Variants in LIPA observed in about 807,000 individuals in gnomAD.
LIPA encodes lysosomal acid lipase/cholesteryl ester hydrolase.
A neutral mutation model predicts 40.6 loss-of-function variants in LIPA; 26 were observed. That is an observed-to-expected ratio of 0.64 (90% CI 0.47 to 0.89). The LOEUF (loss-of-function observed/expected upper bound fraction) is 0.89. Among genes scored for constraint, LIPA ranks in the 40% least tolerant of loss-of-function variants. The pLI, the probability that LIPA is intolerant of heterozygous loss-of-function variation, is 0.00. For synonymous variants in LIPA, 188 were observed against 168.4 expected, an observed-to-expected ratio of 1.12 and a Z score of -0.90; for missense variants, 455 against 479.6, an observed-to-expected ratio of 0.95 and a Z score of 0.48.
At chr10:89,237,709 G>A (rs1842922425) in intron 3 of LIPA, among the ~76,000 whole-genome samples, 1 of 152,172 alleles carries the variant, frequency 6.6e-6, no homozygotes, top group Non-Finnish European at 1.5e-5. Context: ...TTTCCAGATT[G>A]GTTCCATTGA....
intron 8 of LIPA, among the ~76,000 whole-genome samples, chr10:89,220,920 G>C (rs1842689985): frequency 6.6e-6 from 1 of 152,108 alleles, no homozygotes; most frequent in Non-Finnish European, 1.5e-5. Flanking sequence ...ACACAACATA[G>C]GAAAATTTCA....
chr10:89,392,853 G>A, intron 2 of LIPA: 1 of 877,782 alleles, frequency 1.1e-6, no homozygotes. Context: ...CTTATGGACT[G>A]AATGTGTGCA....
chr10:89,370,172 G>C (rs1201474909), intron 2 of LIPA, among the ~76,000 whole-genome samples: 1 of 151,918 alleles, frequency 6.6e-6, no homozygotes, highest in Non-Finnish European at 1.5e-5. Context: ...GTGCTCAATA[G>C]TAATATATAG....
intron 3 of LIPA, among the ~76,000 whole-genome samples, chr10:89,241,981 A>C (rs1842970180): frequency 6.6e-6 from 1 of 152,146 alleles, no homozygotes; most frequent in South Asian, 2.1e-4. Flanking sequence ...TGTCTTATCC[A>C]ACAAAATGAG....
intron 1 of LIPA, among the ~76,000 whole-genome samples, chr10:89,273,217 T>C (rs1338977803): frequency 2.6e-5 from 4 of 152,088 alleles, no homozygotes; most frequent in East Asian, 1.9e-4. Context: ...AGAAATTAAC[T>C]TGATACATTT....
intron 1 of LIPA, among the ~76,000 whole-genome samples, chr10:89,315,929 T>A (rs1013499556): frequency 2.6e-5 from 4 of 152,308 alleles, no homozygotes; most frequent in Non-Finnish European, 5.9e-5. Flanking sequence ...TTTTTTTTTA[T>A]TATACTTTAA....
In LIPA at chr10:89,383,936, G is replaced by A. The variant is rs780418889; in HGVS notation, c.61+28855C>T. On this transcript the variant is annotated intron_variant, in intron 2 of 8. Coordinates refer to the LIPA transcript ENST00000371837. ...GCATTTTCTCTGCACGTCCTAAAAC[G>A]AGCTGTCAGGCTAAATCCAGATGAT... 17 of 1,614,122 alleles carry A rather than the reference G, an allele frequency of 1.1e-5. No homozygotes were observed. The East Asian group carries it at 2.7e-4, about 25-fold the overall frequency.
At chr10:89,293,432 G>C (rs977202328) in intron 1 of LIPA, 1 of 152,076 alleles carries the variant, frequency 6.6e-6, no homozygotes, top group Middle Eastern at 3.4e-3. Context: ...TTCCTCTTAC[G>C]GTCTCCACTT....
intron 2 of LIPA, among the ~76,000 whole-genome samples, chr10:89,397,001 T>C (rs2133620153): frequency 6.6e-6 from 1 of 152,348 alleles, no homozygotes; most frequent in South Asian, 2.1e-4. Context: ...TACATACAAA[T>C]ATATAAGGAT....
At position 89,306,157 on chromosome 10, in the gene LIPA, C is replaced by T. The variant is rs376157774; in HGVS notation, c.-2+36454G>A. ...ATCTAAAGCACCTCAAAGGGCAAAACGAGGCAGCCCTGGAATGCTTACGTA... is the reference window on the plus strand; with the variant it reads ...ATCTAAAGCACCTCAAAGGGCAAAATGAGGCAGCCCTGGAATGCTTACGTA... On this transcript the variant is annotated intron_variant, in intron 1 of 5. Coordinates refer to the LIPA transcript ENST00000282673. The T allele has an allele frequency of 6.3e-5, 101 of 1,614,082 alleles. No homozygotes were observed. The Middle Eastern group carries it at 6.6e-4, about 11-fold the overall frequency.
rs1300082765 is a variant in LIPA at position 89,383,898 on chromosome 10, A to T, written c.61+28893T>A. On this transcript the variant is annotated intron_variant, in intron 2 of 8. Transcript: ENST00000371837. ...GCCTGGATAAATTTAACACAGCATC[A>T]GGGAGGAATAAGGCATTTTCTCTGC... The T allele has an allele frequency of 1.9e-6, 3 of 1,614,200 alleles. 1 individual carries two copies. The highest frequency in any genetic ancestry group is 3.3e-5 in the Admixed American group (2 of 60,014).
At chr10:89,312,923 CAAG>C (rs888785252) in intron 1 of LIPA, among the ~76,000 whole-genome samples, 1 of 151,902 alleles carries the variant, frequency 6.6e-6, no homozygotes, top group Non-Finnish European at 1.5e-5. Flanking sequence ...GCAAATTATC[CAAG>C]AAGGAGACAT....
At chr10:89,216,142 G>A (rs1234408417) in intron 8 of LIPA, 133 bp from the exon 9 acceptor site, 2 of 705,012 alleles carry the variant, frequency 2.8e-6, no homozygotes, top group South Asian at 1.5e-5. Flanking sequence ...CATTTCCAAG[G>A]CATTATTTTA....
chr10:89,236,888 TAAAG>T lies in LIPA; in HGVS notation c.230-8494_230-8491del, dbSNP rs961587072. ...AAAGCAAAGTCATTATATGACAACT[TAAAG>T]AAAAAAGAAGGTGAAGAATCTAAAG... On this transcript the variant is annotated intron_variant, in intron 3 of 9. Coordinates refer to ENST00000336233, the MANE Select transcript of LIPA (RefSeq NM_000235.4). Among the ~76,000 whole-genome samples, 82 of 152,128 alleles carry T rather than the reference TAAAG, an allele frequency of 5.4e-4. 1 individual carries two copies. Among genetic ancestry groups the T allele is most frequent in the African/African-American group, 2.0e-3 (81 of 41,410 alleles).
At position 89,384,470 on chromosome 10, in the gene LIPA, G is replaced by A. The variant is rs769045253; in HGVS notation, c.61+28321C>T. On this transcript the variant is annotated intron_variant, in intron 2 of 8. Coordinates refer to the LIPA transcript ENST00000371837. ...CAAGAGATTCATTACCACTACGGCC[G>A]TTTCCAAGAACATCATGGGAAATCT... is the stretch of plus-strand genomic sequence containing the variant. 22 of 1,614,146 alleles carry A rather than the reference G, an allele frequency of 1.4e-5. No individual in the cohort carries two copies. Among genetic ancestry groups the A allele is most frequent in the Middle Eastern group, 1.6e-4 (1 of 6,062 alleles).
intron 1 of LIPA, among the ~76,000 whole-genome samples, chr10:89,323,346 C>T (rs186729356): frequency 2.3e-4 from 35 of 152,064 alleles, no homozygotes; most frequent in Non-Finnish European, 4.1e-4. Flanking sequence ...ACTGAATGGG[C>T]GAAAGCTGAA....
At chr10:89,318,006 C>G (rs1843550256) in intron 1 of LIPA, among the ~76,000 whole-genome samples, 2 of 152,158 alleles carry the variant, frequency 1.3e-5, no homozygotes, top group South Asian at 2.1e-4. Flanking sequence ...CCTTTACAGA[C>G]AAGCAAAGGC....
In LIPA at chr10:89,379,677, C is replaced by CA. The variant is rs553381001; in HGVS notation, c.61+33113dup. On this transcript the variant is annotated intron_variant, in intron 2 of 8. Transcript: ENST00000371837. ...AGAAGAAATTATAAATGAAGGATTG[C>CA]AAAAAAATTCACCACAAGAGTACCC... is the stretch of plus-strand genomic sequence containing the variant. 2.3e-3 allele frequency among the ~76,000 whole-genome samples: 343 copies of CA among 152,056 alleles called. 4 individuals carry two copies. The highest frequency in any genetic ancestry group is 6.8e-3 in the African/African-American group (283 of 41,482).
At chr10:89,279,871 G>A (rs1038894738) in intron 1 of LIPA, among the ~76,000 whole-genome samples, 1 of 152,108 alleles carries the variant, frequency 6.6e-6, no homozygotes, top group Admixed American at 6.5e-5. Context: ...GAAGCATCTG[G>A]TCAATTTCTT....
Sources: allele counts gnomAD v4.1 joint callset (sites outside exome capture counted in the v4.1 genomes callset), GRCh38; gene constraint gnomAD v4.1.1; transcripts MANE v1.5; gene names NCBI Gene and HGNC (gene_info 2026-07-23, HGNC 2026-07-21).